Variants in LEKR1 observed in about 807,000 individuals in gnomAD.
LEKR1 encodes the protein leucine, glutamate and lysine rich 1, also known as protein LEKR1.
Under a neutral mutation model 72.4 loss-of-function variants are expected in LEKR1, and 59 were observed. The observed-to-expected ratio is 0.82, with a 90% CI of 0.66 to 1.01. LEKR1 has a LOEUF of 1.01. Among genes scored for constraint, LEKR1 ranks in the 50% least tolerant of loss-of-function variants. LEKR1 has a pLI of 0.00. For synonymous variants in LEKR1, 257 were observed against 263.2 expected, an observed-to-expected ratio of 0.98 and a Z score of 0.23; for missense variants, 728 against 759.2, an observed-to-expected ratio of 0.96 and a Z score of 0.48.
At chr3:156,851,342 C>T (rs931346994) in intron 2 of LEKR1, among the ~76,000 whole-genome samples, 15 of 152,026 alleles carry the variant, frequency 9.9e-5, no homozygotes, top group African/African-American at 2.4e-4. Flanking sequence ...TTCAGGGAGG[C>T]GGATTTGTGA....
intron 3 of LEKR1, among the ~76,000 whole-genome samples, chr3:156,868,901 A>G (rs538035487): frequency 1.3e-5 from 2 of 151,792 alleles, no homozygotes; most frequent in Non-Finnish European, 2.9e-5. Flanking sequence ...CTTCCATGAG[A>G]TCGACTTTTT....
chr3:157,008,225 A>G (rs73029521), intron 9 of LEKR1, among the ~76,000 whole-genome samples: 3,905 of 152,202 alleles, frequency 0.026, 193 homozygotes, highest in African/African-American at 0.089. Context: ...GTTCACCTCT[A>G]TATCTCCAGG....
intron 3 of LEKR1, among the ~76,000 whole-genome samples, chr3:156,886,468 T>C (rs1720096569): frequency 2.0e-5 from 3 of 152,102 alleles, no homozygotes; most frequent in Admixed American, 6.5e-5. Flanking sequence ...TGGACTCTGC[T>C]AAAGGAAATT....
At chr3:156,969,928 T>C (rs139036917) in intron 6 of LEKR1, among the ~76,000 whole-genome samples, 2,299 of 152,258 alleles carry the variant, frequency 0.015, 173 homozygotes, top group Admixed American at 0.12. Context: ...TCCACCATGA[T>C]CAAGTGGGCT....
At chr3:156,875,274 T>C (rs1021985268) in intron 3 of LEKR1, among the ~76,000 whole-genome samples, 4 of 152,164 alleles carry the variant, frequency 2.6e-5, no homozygotes, top group Non-Finnish European at 5.9e-5. Context: ...TCCCTGATAA[T>C]TGGTGATGTT....
intron 10 of LEKR1, among the ~76,000 whole-genome samples, chr3:157,015,512 G>A (rs185562354): frequency 2.0e-5 from 3 of 152,256 alleles, no homozygotes; most frequent in Non-Finnish European, 4.4e-5. Context: ...ATGAAATGCT[G>A]ATTTGATTCT....
At chr3:157,010,209 A>G (rs963580418) in intron 9 of LEKR1, among the ~76,000 whole-genome samples, 1 of 151,756 alleles carries the variant, frequency 6.6e-6, no homozygotes, top group Non-Finnish European at 1.5e-5. Flanking sequence ...TTTTCCATTG[A>G]TTACAACTCT....
Position 156,909,632 on chromosome 3 carries a change from G to T in LEKR1, c.264-10943G>T, listed in dbSNP as rs377350455. On this transcript the variant is annotated intron_variant, in intron 3 of 12. Coordinates refer to ENST00000356539, the MANE Select transcript of LEKR1 (RefSeq NM_001004316.3). ...CGCCACTGCACTCCAGCCTGGGAGA[G>T]GCGACAGAGTGAGAGTCTGTCTCAA... Among the ~76,000 whole-genome samples the T allele has an allele frequency of 4.1e-5, 6 of 145,862 alleles. No homozygotes were observed. In the East Asian group the frequency reaches 1.2e-3, roughly 29 times the overall value.
intron 2 of LEKR1, among the ~76,000 whole-genome samples, chr3:156,849,954 C>T (rs1376842263): frequency 6.6e-6 from 1 of 152,104 alleles, no homozygotes; most frequent in Non-Finnish European, 1.5e-5. Flanking sequence ...AAGAAACCAC[C>T]ATCAGAGTGA....
chr3:156,905,175 A>G (rs998669624), intron 3 of LEKR1, among the ~76,000 whole-genome samples: 3 of 152,182 alleles, frequency 2.0e-5, no homozygotes, highest in Admixed American at 6.5e-5. Context: ...GAACTCCCTT[A>G]CCTGTTAGCA....
chr3:157,004,604 T>C (rs1312455413), intron 9 of LEKR1, among the ~76,000 whole-genome samples: 1 of 152,246 alleles, frequency 6.6e-6, no homozygotes, highest in East Asian at 1.9e-4. Flanking sequence ...TTTTAAAGGA[T>C]TTAAATAATA....
Position 156,978,302 on chromosome 3 carries a change from A to ATGT in LEKR1, c.746-892_746-891insTGT, listed in dbSNP as rs1729881982. On this transcript the variant is annotated intron_variant, in intron 6 of 12. Coordinates refer to ENST00000356539, the MANE Select transcript of LEKR1 (RefSeq NM_001004316.3). Reference sequence around the variant, plus strand: ...GTTTTATGTATTTATATGGATGCATAAAGATTTTAAAGTTTACTATTAAAA... The same window carrying ATGT: ...GTTTTATGTATTTATATGGATGCATATGTAAGATTTTAAAGTTTACTATTAAAA... Among the ~76,000 whole-genome samples the ATGT allele has an allele frequency of 2.0e-5, 3 of 152,366 alleles. No individual in the cohort carries two copies. The South Asian group carries it at 6.2e-4, about 32-fold the overall frequency.
chr3:156,925,720 A>G (rs1724653667), intron 4 of LEKR1, among the ~76,000 whole-genome samples: 2 of 151,998 alleles, frequency 1.3e-5, no homozygotes, highest in South Asian at 4.1e-4. Flanking sequence ...CTTTCTACTC[A>G]GGTTTTTCCT....
At chr3:157,019,287 C>T (rs1443542424) in intron 10 of LEKR1, among the ~76,000 whole-genome samples, 1 of 152,098 alleles carries the variant, frequency 6.6e-6, no homozygotes, top group Non-Finnish European at 1.5e-5. Context: ...AAGTCAACCA[C>T]AAAGACCTCG....
rs1429688772 is a variant in LEKR1, at chr3:157,045,780, A to G, written c.*30A>G. On this transcript the variant is annotated 3_prime_UTR_variant, in exon 13 of 13. Coordinates refer to ENST00000356539, the MANE Select transcript of LEKR1 (RefSeq NM_001004316.3). ...AAATGAGGAGCAGGAAGCTCCCTAC[A>G]GCGTGCACGCTCTTTCAGAGAGTGC... 6.3e-7 allele frequency: 1 copy of G among 1,585,376 alleles called. No individual in the cohort carries two copies. The highest frequency in any genetic ancestry group is 2.2e-5 in the East Asian group (1 of 44,754).
intron 4 of LEKR1, among the ~76,000 whole-genome samples, chr3:156,922,121 CACTT>C (rs1225881580): frequency 2.6e-5 from 4 of 152,034 alleles, no homozygotes; most frequent in Admixed American, 6.6e-5. Context: ...GTCAACTAGA[CACTT>C]AGTACAAATT....
intron 10 of LEKR1, among the ~76,000 whole-genome samples, chr3:157,020,643 G>T (rs1210150054): frequency 6.6e-6 from 1 of 151,568 alleles, no homozygotes; most frequent in Non-Finnish European, 1.5e-5. Context: ...ATTCCATGGT[G>T]TATATGTGCC....
chr3:156,915,966 A>G (rs1164202949), intron 3 of LEKR1, among the ~76,000 whole-genome samples: 3 of 152,056 alleles, frequency 2.0e-5, no homozygotes, highest in African/African-American at 4.8e-5. Flanking sequence ...TTTAGTTTCA[A>G]TCTTCTGCAT....
chr3:156,841,285 G>C (rs1285102415), intron 2 of LEKR1, among the ~76,000 whole-genome samples: 2 of 152,214 alleles, frequency 1.3e-5, no homozygotes, highest in Non-Finnish European at 1.5e-5. Context: ...GGCCAAGTTA[G>C]AGAATGTTTA....
Sources: gnomAD v4.1 joint callset for allele counts (sites outside exome capture counted in the v4.1 genomes callset) on GRCh38, gnomAD v4.1.1 for gene constraint, MANE v1.5 for transcripts, NCBI Gene and HGNC (gene_info 2026-07-23, HGNC 2026-07-21) for gene names.